Variants in ANKRD13C observed in about 807,000 individuals in gnomAD.
ANKRD13C encodes ankyrin repeat domain 13C.
ANKRD13C carries 16 observed loss-of-function variants against 65.5 expected under a neutral mutation model. The observed-to-expected ratio is 0.24, with a 90% CI of 0.17 to 0.37. The LOEUF is 0.37. Among genes scored for constraint, ANKRD13C ranks in the 10% least tolerant of loss-of-function variants. The pLI is 1.00. For missense variants in ANKRD13C, 503 were observed against 655.9 expected (o/e 0.77, Z 2.55); for synonymous variants, 235 against 238.7 (o/e 0.98, Z 0.14).
chr1:70,303,789 T>G (rs1196378192), intron 6 of ANKRD13C, among the ~76,000 whole-genome samples: 1 of 152,226 alleles, frequency 6.6e-6, no homozygotes, highest in African/African-American at 2.4e-5. Context: ...TTATTTAATG[T>G]TAACAGATTT....
intron 3 of ANKRD13C, among the ~76,000 whole-genome samples, chr1:70,317,696 A>G (rs1681130399): frequency 6.6e-6 from 1 of 152,180 alleles, no homozygotes; most frequent in Admixed American, 6.5e-5. Context: ...TGTCAAAGTT[A>G]TATTACTCAA....
chr1:70,345,053 A>T (rs1183346959), intron 1 of ANKRD13C, among the ~76,000 whole-genome samples: 1 of 152,200 alleles, frequency 6.6e-6, no homozygotes, highest in Non-Finnish European at 1.5e-5. Context: ...CTTTGCACAA[A>T]TTCACAGTTG....
chr1:70,268,613 G>A (rs541076634), intron 12 of ANKRD13C, among the ~76,000 whole-genome samples: 2 of 152,310 alleles, frequency 1.3e-5, no homozygotes, highest in African/African-American at 2.4e-5. Context: ...TGTATGGGGT[G>A]TTGGAAGTAG....
chr1:70,336,175 C>G (rs1682016802), intron 1 of ANKRD13C, 76 bp from the exon 2 acceptor site: 2 of 344,124 alleles, frequency 5.8e-6, no homozygotes, highest in East Asian at 1.5e-4. Flanking sequence ...GTGGTTTCAG[C>G]TCCTTCAGAA....
chr1:70,311,616 G>A (rs1458266006), intron 5 of ANKRD13C, among the ~76,000 whole-genome samples: 1 of 152,182 alleles, frequency 6.6e-6, no homozygotes, highest in Non-Finnish European at 1.5e-5. Flanking sequence ...GCATTTGAAA[G>A]TAGTCATACG....
chr1:70,336,363 T>G (rs1682022854), intron 1 of ANKRD13C, among the ~76,000 whole-genome samples: 1 of 152,330 alleles, frequency 6.6e-6, no homozygotes, highest in African/African-American at 2.4e-5. Flanking sequence ...AGATTCCTTT[T>G]GCTGCTAATT....
chr1:70,276,933 A>G, intron 9 of ANKRD13C, 89 bp from the exon 10 acceptor site: 2 of 1,025,302 alleles, frequency 2.0e-6, no homozygotes, highest in Non-Finnish European at 1.4e-6. Context: ...ATCGTAAACT[A>G]TTAAAACTAA....
chr1:70,322,884 T>A (rs1681369715), intron 3 of ANKRD13C, among the ~76,000 whole-genome samples: 1 of 151,978 alleles, frequency 6.6e-6, no homozygotes, highest in Admixed American at 6.6e-5. Context: ...CCCAGCTACT[T>A]GGGAGGCTGG....
chr1:70,333,605 G>C (rs922724293), intron 2 of ANKRD13C, among the ~76,000 whole-genome samples: 1 of 152,140 alleles, frequency 6.6e-6, no homozygotes, highest in African/African-American at 2.4e-5. Context: ...AGATAAACTG[G>C]ACCAATCAAA....
intron 2 of ANKRD13C, among the ~76,000 whole-genome samples, chr1:70,326,225 C>G (rs1201989081): frequency 7.6e-5 from 7 of 92,652 alleles, no homozygotes; most frequent in African/African-American, 3.1e-4. Context: ...GAGCCAAACT[C>G]TGTCTCAAAA....
At chr1:70,296,926 T>C (rs1680103061) in intron 7 of ANKRD13C, among the ~76,000 whole-genome samples, 1 of 152,222 alleles carries the variant, frequency 6.6e-6, no homozygotes, top group Admixed American at 6.5e-5. Context: ...CCTGTACATA[T>C]TCCCTAGTGC....
chr1:70,311,853 T>C (rs1160396018), intron 5 of ANKRD13C, among the ~76,000 whole-genome samples: 3 of 152,174 alleles, frequency 2.0e-5, no homozygotes, highest in Admixed American at 6.5e-5. Context: ...ATAAAATCAA[T>C]GTTTAAAATT....
intron 6 of ANKRD13C, among the ~76,000 whole-genome samples, chr1:70,302,388 T>C (rs1680397498): frequency 6.6e-6 from 1 of 152,196 alleles, no homozygotes; most frequent in Admixed American, 6.5e-5. Context: ...AATTCAGCTT[T>C]ACTATTAAAT....
intron 7 of ANKRD13C, among the ~76,000 whole-genome samples, chr1:70,296,535 T>C (rs922529112): frequency 2.0e-5 from 3 of 152,188 alleles, no homozygotes; most frequent in Non-Finnish European, 4.4e-5. Flanking sequence ...AGATATGTAA[T>C]GGAAGCAGTA....
chr1:70,301,006 A>G (rs1680327540), intron 6 of ANKRD13C, 98 bp from the exon 7 acceptor site: 1 of 1,265,572 alleles, frequency 7.9e-7, no homozygotes. Context: ...TCAAACCAAG[A>G]TGCTAATACC....
At chr1:70,345,565 G>A (rs1682491744) in intron 1 of ANKRD13C, among the ~76,000 whole-genome samples, 1 of 148,380 alleles carries the variant, frequency 6.7e-6, no homozygotes, top group Non-Finnish European at 1.5e-5. Context: ...GTAACACCAT[G>A]CATTGATATT....
At chr1:70,274,574 T>C (rs1213351018) in intron 11 of ANKRD13C, 146 bp downstream of exon 11, 10 of 544,178 alleles carry the variant, frequency 1.8e-5, no homozygotes, top group East Asian at 1.2e-4. Context: ...AGAAAAGTTC[T>C]AGAACAGTGC....
rs116568718 is a variant in ANKRD13C, at chr1:70,269,632, T to C, written c.1495+1224A>G. ...CCATTTCTGCCTAAGATCTTATCAC[T>C]GATTTCTCCAAGTAGACACTGGGTT... On this transcript the variant is annotated intron_variant, in intron 12 of 12. Coordinates refer to ENST00000370944, the MANE Select transcript of ANKRD13C (RefSeq NM_030816.5). Among the ~76,000 whole-genome samples the C allele has an allele frequency of 3.6e-3, 544 of 152,158 alleles. 6 individuals are homozygous for C. Among genetic ancestry groups the C allele is most frequent in the African/African-American group, 0.013 (522 of 41,512 alleles).
Position 70,276,733 on chromosome 1 carries a change from C to T in ANKRD13C, c.1295+32G>A, listed in dbSNP as rs754732234. The T allele has an allele frequency of 1.5e-5, 23 of 1,502,064 alleles. No individual in the cohort carries two copies. In the South Asian group the frequency reaches 2.8e-4, roughly 18 times the overall value. 93.0% of individuals were successfully genotyped at this position (1,502,064 alleles called of 1,614,324 possible). ...TTTTACAAATTATTCTTTCTAAAAA[C>T]CAAATAACACATAAACAAGAAAAAA... On this transcript the variant is annotated intron_variant, in intron 10 of 12. Coordinates refer to ENST00000370944, the MANE Select transcript of ANKRD13C (RefSeq NM_030816.5).
Sources: gnomAD v4.1 joint callset for allele counts (sites outside exome capture counted in the v4.1 genomes callset) on GRCh38, gnomAD v4.1.1 for gene constraint, MANE v1.5 for transcripts, NCBI Gene and HGNC (gene_info 2026-07-23, HGNC 2026-07-21) for gene names.